The following PRKCH variants were observed in gnomAD, a reference collection of about 807,000 sequenced individuals.
PRKCH encodes the protein protein kinase C eta type.
A neutral mutation model predicts 82.5 loss-of-function variants in PRKCH; 28 were observed. The ratio of observed to expected loss-of-function variants is 0.34; its 90% confidence interval spans 0.25 to 0.47. The LOEUF (loss-of-function observed/expected upper bound fraction) is 0.47. PRKCH is among the 20% of genes least tolerant of loss of function. The pLI is 1.00. For synonymous variants in PRKCH, 322 were observed against 327.4 expected (o/e 0.98, Z 0.18); for missense variants, 705 against 881.8 (o/e 0.80, Z 2.54).
intron 1 of PRKCH, among the ~76,000 whole-genome samples, chr14:61,224,629 G>A (rs1419220176): frequency 6.6e-6 from 1 of 152,162 alleles, no homozygotes; most frequent in Non-Finnish European, 1.5e-5. Context: ...TATGGATTTG[G>A]TAGGGGAAAC....
chr14:61,249,132 A>C (rs1383686737), intron 1 of PRKCH, among the ~76,000 whole-genome samples: 1 of 152,148 alleles, frequency 6.6e-6, no homozygotes, highest in African/African-American at 2.4e-5. Context: ...GACAACAAGC[A>C]ACTGGAAACC....
chr14:61,548,811 C>G (rs150702713), intron 13 of PRKCH, among the ~76,000 whole-genome samples: 1 of 144,252 alleles, frequency 6.9e-6, no homozygotes, highest in African/African-American at 2.6e-5. Flanking sequence ...TGCAGTGAGC[C>G]GAGATTGCGT....
rs757857494 is a variant in PRKCH at position 61,549,663 on chromosome 14, G to A, written c.1906-22G>A. On this transcript the variant is annotated intron_variant, in intron 13 of 13. Coordinates refer to ENST00000332981, the MANE Select transcript of PRKCH (RefSeq NM_006255.5). ...CCTCAAGCGCAAAAATCTCACCCTTGTTTCCCTTTTTTTTTTGGCAGAAAT... is the reference window on the plus strand; with the variant it reads ...CCTCAAGCGCAAAAATCTCACCCTTATTTCCCTTTTTTTTTTGGCAGAAAT... 207 of 1,606,800 alleles carry A rather than the reference G, an allele frequency of 1.3e-4. 1 individual carries two copies. Among genetic ancestry groups the A allele is most frequent in the Admixed American group, 4.5e-4 (27 of 59,402 alleles).
At chr14:61,208,142 G>A (rs1296033739) in intron 1 of PRKCH, among the ~76,000 whole-genome samples, 1 of 152,072 alleles carries the variant, frequency 6.6e-6, no homozygotes, top group Non-Finnish European at 1.5e-5. Flanking sequence ...TTTAATCAGT[G>A]TTTAATTACA....
intron 1 of PRKCH, among the ~76,000 whole-genome samples, chr14:61,261,520 T>A (rs1230801253): frequency 1.3e-5 from 2 of 152,180 alleles, no homozygotes; most frequent in African/African-American, 4.8e-5. Flanking sequence ...AACATATGAT[T>A]TGGGCTCACA....
chr14:61,318,383 T>C (rs2045580934), upstream of PRKCH, among the ~76,000 whole-genome samples: 2 of 142,910 alleles, frequency 1.4e-5, no homozygotes, highest in African/African-American at 2.7e-5. Context: ...TTTTTTTTTT[T>C]TGTAGAGATG....
chr14:61,342,856 A>G (rs1385193673), intron 1 of PRKCH, among the ~76,000 whole-genome samples: 1 of 152,188 alleles, frequency 6.6e-6, no homozygotes, highest in East Asian at 1.9e-4. Flanking sequence ...AGCCAAAAAG[A>G]TTGCCCTTAG....
intron 1 of PRKCH, chr14:61,303,747 G>A (rs903433599): frequency 1.3e-5 from 2 of 149,970 alleles, no homozygotes; most frequent in Non-Finnish European, 3.0e-5. Context: ...CTCATTTTTT[G>A]TTTGTTTCTC....
chr14:61,521,576 T>C (rs2042907343), intron 10 of PRKCH, among the ~76,000 whole-genome samples: 1 of 151,814 alleles, frequency 6.6e-6, no homozygotes, highest in African/African-American at 2.4e-5. Context: ...TTTATTAATT[T>C]TTTTTTTTTA....
intron 1 of PRKCH, among the ~76,000 whole-genome samples, chr14:61,190,865 G>A (rs1005365305): frequency 6.6e-6 from 1 of 151,938 alleles, no homozygotes; most frequent in Non-Finnish European, 1.5e-5. Context: ...CCAGTTACTT[G>A]CTATTTACTT....
intron 6 of PRKCH, among the ~76,000 whole-genome samples, chr14:61,451,823 C>A (rs1884521760): frequency 6.6e-6 from 1 of 152,200 alleles, no homozygotes; most frequent in African/African-American, 2.4e-5. Context: ...CCATTGACTG[C>A]TTGGACTTAC....
intron 1 of PRKCH, among the ~76,000 whole-genome samples, chr14:61,346,442 T>C (rs994244708): frequency 2.6e-5 from 4 of 152,256 alleles, no homozygotes; most frequent in African/African-American, 7.2e-5. Flanking sequence ...TAGTGTGTCA[T>C]TTCCCAGTTC....
chr14:61,469,066 T>C (rs1262563001), intron 9 of PRKCH, among the ~76,000 whole-genome samples: 1 of 152,194 alleles, frequency 6.6e-6, no homozygotes. Context: ...AGGATCCCAC[T>C]GACTGAATGC....
chr14:61,241,676 C>A (rs532758408), intron 1 of PRKCH, among the ~76,000 whole-genome samples: 1 of 152,270 alleles, frequency 6.6e-6, no homozygotes, highest in South Asian at 2.1e-4. Context: ...CTTGGTGAAA[C>A]CTAGAGGGAG....
At chr14:61,423,286 G>A (rs78330242) in intron 2 of PRKCH, among the ~76,000 whole-genome samples, 1,894 of 152,264 alleles carry the variant, frequency 0.012, 41 homozygotes, top group African/African-American at 0.043. Flanking sequence ...AATAAGATGG[G>A]TATTGGACAC....
Position 61,431,050 on chromosome 14 carries a change from G to A in PRKCH, c.428-12061G>A, listed in dbSNP as rs765602014. Among the ~76,000 whole-genome samples the A allele has an allele frequency of 1.1e-4, 16 of 152,322 alleles. 2 individuals carry two copies. The highest frequency in any genetic ancestry group is 2.1e-4 in the South Asian group (1 of 4,824). Reference sequence around the variant, plus strand: ...ATTACAGGCGTGAGCCGCGGCACCCGGCCAATCAGTAGCTTCCTCATAGGA... The same window carrying A: ...ATTACAGGCGTGAGCCGCGGCACCCAGCCAATCAGTAGCTTCCTCATAGGA... On this transcript the variant is annotated intron_variant, in intron 2 of 13. Coordinates refer to ENST00000332981, the MANE Select transcript of PRKCH (RefSeq NM_006255.5).
intron 1 of PRKCH, among the ~76,000 whole-genome samples, chr14:61,252,520 T>C (rs2044955652): frequency 6.6e-6 from 1 of 152,144 alleles, no homozygotes. Context: ...GTCAGAGCAC[T>C]CACTGAGGCC....
intron 1 of PRKCH, among the ~76,000 whole-genome samples, chr14:61,253,976 C>CTCCCTCCT (rs2044972010): frequency 7.9e-6 from 1 of 125,966 alleles, no homozygotes; most frequent in African/African-American, 3.4e-5. Context: ...CCCTCCCTCC[C>CTCCCTCCT]TCCTCCCTCC....
chr14:61,413,618 T>C (rs1882400970), intron 2 of PRKCH, among the ~76,000 whole-genome samples: 1 of 152,106 alleles, frequency 6.6e-6, no homozygotes, highest in Non-Finnish European at 1.5e-5. Context: ...CGAACTTTGC[T>C]TCCCTTTCTT....
Sources: allele counts gnomAD v4.1 joint callset (sites outside exome capture counted in the v4.1 genomes callset), GRCh38; gene constraint gnomAD v4.1.1; transcripts MANE v1.5; gene names NCBI Gene and HGNC (gene_info 2026-07-23, HGNC 2026-07-21).